The following PRRC2C variants were observed in gnomAD, a reference collection of about 807,000 sequenced individuals.
PRRC2C encodes the protein proline rich coiled-coil 2C, also known as protein PRRC2C.
Under a neutral mutation model 317.2 loss-of-function variants are expected in PRRC2C, and 72 were observed. The ratio of observed to expected loss-of-function variants is 0.23; its 90% CI spans 0.19 to 0.28. The LOEUF is 0.28. Among genes scored for constraint, PRRC2C ranks in the 10% least tolerant of loss-of-function variants. The probability of loss-of-function intolerance (pLI) is 1.00; values close to 1 mark genes in which losing one functional copy is unlikely to be tolerated. For synonymous variants in PRRC2C, 1,296 were observed against 1,205.9 expected, an observed-to-expected ratio of 1.07 and a Z score of -1.55; for missense variants, 3,074 against 3,459.7, an observed-to-expected ratio of 0.89 and a Z score of 2.80.
At position 171,557,640 on chromosome 1, in the gene PRRC2C, C is replaced by T. The variant is rs1220666815; in HGVS notation, c.5528C>T (p.Thr1843Ile). The T allele has an allele frequency of 6.4e-7, 1 of 1,551,648 alleles. No individual in the cohort carries two copies. The highest frequency in any genetic ancestry group is 8.7e-7 in the Non-Finnish European group (1 of 1,146,982). The change falls in exon 19 of 35, where the codon ACC becomes ATC. Residue 1843 changes from threonine (T) to isoleucine (I), a missense_variant. Physicochemically the swap from Thr to Ile is moderately conservative, Grantham distance 89. Transcript: ENST00000647382. ...GCTCCAGCCTCAGCCCCAGCTCCAA[C>T]CCCCATCCTTGCCTCAGTTTCAACC... ...SSAPASAPAP[T>I]PILASVSTPA...
chr1:171,589,763 T>G (rs942044528), intron 34 of PRRC2C, among the ~76,000 whole-genome samples, 158 bp downstream of exon 34: 1 of 152,134 alleles, frequency 6.6e-6, no homozygotes, highest in African/African-American at 2.4e-5. Context: ...TTTCTTTTTT[T>G]TCCCCCATTC....
chr1:171,487,592 A>G (rs549702791), intron 1 of PRRC2C, among the ~76,000 whole-genome samples: 52 of 152,302 alleles, frequency 3.4e-4, no homozygotes, highest in Middle Eastern at 3.4e-3. Context: ...TGTCGTAGAT[A>G]TAATTTTTAA....
At chr1:171,559,216 C>G (rs1558002723) in intron 19 of PRRC2C, among the ~76,000 whole-genome samples, 2 of 152,182 alleles carry the variant, frequency 1.3e-5, no homozygotes, top group African/African-American at 4.8e-5. Flanking sequence ...AAGGTGGCTA[C>G]ATTAAATAAT....
intron 1 of PRRC2C, among the ~76,000 whole-genome samples, chr1:171,503,376 T>C (rs373922934): frequency 6.6e-6 from 1 of 152,132 alleles, no homozygotes; most frequent in East Asian, 1.9e-4. Context: ...GTACAAAAAT[T>C]AGCTGGGCGT....
At position 171,537,282 on chromosome 1, in the gene PRRC2C, A is replaced by G. The variant is rs1274775002; in HGVS notation, c.2313A>G (p.Pro771=). 12 of 1,595,840 alleles carry G rather than the reference A, an allele frequency of 7.5e-6. No individual in the cohort carries two copies. Among genetic ancestry groups the G allele is most frequent in the Non-Finnish European group, 9.4e-6 (11 of 1,170,172 alleles). ...TTACAGGAATGATTCCTCCTAAACC[A>G]TTAATGAGAAGAGACCAGATGGAAG... ...PIHPGMIPPK[P]LMRRDQMEGS... The change falls in exon 15 of 35, where the codon CCA becomes CCG. Residue 771 remains proline (P), a synonymous_variant. Transcript: ENST00000647382.
intron 20 of PRRC2C, among the ~76,000 whole-genome samples, chr1:171,561,843 G>A (rs1463003257): frequency 6.6e-6 from 1 of 152,078 alleles, no homozygotes; most frequent in African/African-American, 2.4e-5. Context: ...TGACTGTTGG[G>A]GGTCAGTGAT....
chr1:171,530,831 T>A (rs1675713863), intron 11 of PRRC2C, among the ~76,000 whole-genome samples: 1 of 152,184 alleles, frequency 6.6e-6, no homozygotes, highest in Non-Finnish European at 1.5e-5. Context: ...GGAAAACAGT[T>A]TGGCAGTTTC....
chr1:171,517,921 C>T (rs944972158), intron 6 of PRRC2C, 107 bp downstream of exon 6: 2 of 882,192 alleles, frequency 2.3e-6, no homozygotes, highest in Admixed American at 2.8e-5. Context: ...TCATTAACAT[C>T]TAACTAAAAA....
chr1:171,549,501 T>C (rs79283701), intron 17 of PRRC2C, among the ~76,000 whole-genome samples: 12,341 of 152,190 alleles, frequency 0.081, 1,653 homozygotes, highest in African/African-American at 0.28. Flanking sequence ...TTTTTTCTTT[T>C]TTAAGGCATT....
At chr1:171,591,213 A>C in intron 34 of PRRC2C, 1 of 1,004,376 alleles carries the variant, frequency 1.0e-6, no homozygotes, top group Non-Finnish European at 1.2e-6. Flanking sequence ...TGGTAATGCC[A>C]CAATATAAGT....
At chr1:171,537,890 G>GTTTTGT (rs768089860) in intron 15 of PRRC2C, among the ~76,000 whole-genome samples, 41 of 151,036 alleles carry the variant, frequency 2.7e-4, no homozygotes, top group African/African-American at 3.9e-4. Context: ...GGGGTTTTTT[G>GTTTTGT]TTTTGTTTTT....
At position 171,541,502 on chromosome 1, in the gene PRRC2C, A is replaced by G. The variant is rs1397356113; in HGVS notation, c.4036A>G (p.Arg1346Gly). ...LPKGEPTRRG[R>G]GGTFRRGGRD... ...TAAAGGAGAGCCTACAAGGAGAGGC[A>G]GAGGGGGAACATTCAGGCGTGGTGG... The change falls in exon 16 of 35, where the codon AGA becomes GGA. Residue 1346 changes from arginine to glycine, a missense_variant. Around this residue, in one of 11 missense-constraint regions of PRRC2C, gnomAD observed 1,320 missense variants for 1,395.7 expected, o/e 0.95. Coordinates refer to ENST00000647382, the MANE Select transcript of PRRC2C (RefSeq NM_001387844.1). This position sits in a 1 kb window ranked among gnomAD's most constrained non-coding sequence, Gnocchi z 4.1. The G allele has an allele frequency of 6.2e-7, 1 of 1,613,560 alleles. No individual in the cohort carries two copies. Among genetic ancestry groups the G allele is most frequent in the Non-Finnish European group, 8.5e-7 (1 of 1,179,760 alleles).
chr1:171,520,243 G>A (rs866623660), intron 6 of PRRC2C, among the ~76,000 whole-genome samples: 24 of 152,120 alleles, frequency 1.6e-4, no homozygotes, highest in African/African-American at 4.3e-4. Context: ...GATTACAGGC[G>A]TGAGCCACCG....
intron 11 of PRRC2C, among the ~76,000 whole-genome samples, chr1:171,529,419 C>T (rs1441946790): frequency 3.9e-5 from 6 of 152,180 alleles, no homozygotes; most frequent in Non-Finnish European, 5.9e-5. Context: ...CCTGCATACC[C>T]ACAGTGCTGC....
At chr1:171,538,528 A>G (rs934506794) in intron 15 of PRRC2C, among the ~76,000 whole-genome samples, 3 of 151,770 alleles carry the variant, frequency 2.0e-5, no homozygotes, top group African/African-American at 7.3e-5. Context: ...TATGGGCTAT[A>G]TTTTTTTGGT....
intron 18 of PRRC2C, among the ~76,000 whole-genome samples, chr1:171,551,067 A>G (rs1290206925): frequency 6.6e-6 from 1 of 152,196 alleles, no homozygotes; most frequent in Non-Finnish European, 1.5e-5. Flanking sequence ...TGGTTGAACT[A>G]GTTTACACTC....
At chr1:171,531,233 T>A (rs1017704007) in intron 11 of PRRC2C, among the ~76,000 whole-genome samples, 10 of 152,350 alleles carry the variant, frequency 6.6e-5, no homozygotes, top group Admixed American at 2.0e-4. Context: ...AAATGTTGTG[T>A]CTGCGTTGGA....
chr1:171,515,054 C>A (rs1450113846), intron 4 of PRRC2C, among the ~76,000 whole-genome samples: 3 of 152,260 alleles, frequency 2.0e-5, no homozygotes, highest in Admixed American at 2.0e-4. Context: ...TAGAAAGTAG[C>A]CATAAAGCAC....
Position 171,579,864 on chromosome 1 carries a change from G to A in PRRC2C, c.7309G>A (p.Ala2437Thr). The stretch of plus-strand genomic sequence containing the variant: ...TCAGCAGATTCCAATCCCTATTTAT[G>A]CACCACTGCAAGGGCAGCATCAAGC... ...SVQQIPIPIY[A>T]PLQGQHQAQL... The change falls in exon 28 of 35, where the codon GCA becomes ACA. Residue 2437 changes from alanine (A) to threonine (T), a missense_variant. By Grantham distance (58) the Ala-to-Thr change is moderately conservative. Around this residue, in one of 11 missense-constraint regions of PRRC2C, gnomAD observed 490 missense variants for 663.1 expected, o/e 0.74. Coordinates refer to ENST00000647382, the MANE Select transcript of PRRC2C (RefSeq NM_001387844.1). 4.4e-6 allele frequency: 7 copies of A among 1,587,706 alleles called. No individual in the cohort carries two copies. The highest frequency in any genetic ancestry group is 6.0e-6 in the Non-Finnish European group (7 of 1,170,232).
Sources: allele counts gnomAD v4.1 joint callset (sites outside exome capture counted in the v4.1 genomes callset), GRCh38; gene constraint gnomAD v4.1.1; regional missense constraint gnomAD v4.1.1; non-coding constraint Gnocchi (gnomAD v3.1); transcripts MANE v1.5; gene names NCBI Gene and HGNC (gene_info 2026-07-23, HGNC 2026-07-21).